The following EFCAB6 variants were observed in gnomAD, a reference collection of about 807,000 sequenced individuals.
EFCAB6 encodes the protein EF-hand calcium-binding domain-containing protein 6.
EFCAB6 carries 156 observed loss-of-function variants against 169.8 expected under a neutral mutation model. That is an observed-to-expected ratio of 0.92 (90% CI 0.81 to 1.05). The LOEUF is 1.05. Among genes scored for constraint, EFCAB6 ranks in the 50% least tolerant of loss-of-function variants. The pLI is 0.00. For missense variants in EFCAB6, 1,800 were observed against 1,829.1 expected (o/e 0.98, Z 0.29); for synonymous variants, 698 against 676.4 (o/e 1.03, Z -0.50).
At chr22:43,734,944 T>TAG (rs1340895243) in intron 7 of EFCAB6, among the ~76,000 whole-genome samples, 4 of 152,110 alleles carry the variant, frequency 2.6e-5, no homozygotes, top group Non-Finnish European at 4.4e-5. Flanking sequence ...CATAGCAACT[T>TAG]AGAACACCAG....
chr22:43,754,281 G>A (rs2060876842), intron 6 of EFCAB6, among the ~76,000 whole-genome samples: 1 of 152,176 alleles, frequency 6.6e-6, no homozygotes, highest in African/African-American at 2.4e-5. Flanking sequence ...CCACTGACAG[G>A]TGAAAAAACC....
intron 21 of EFCAB6, among the ~76,000 whole-genome samples, chr22:43,612,497 G>A (rs535267181): frequency 6.6e-6 from 1 of 152,222 alleles, no homozygotes; most frequent in African/African-American, 2.4e-5. Context: ...AGAAATACAT[G>A]TGGCCAACAA....
chr22:43,603,212 C>T (rs748712465), intron 22 of EFCAB6, among the ~76,000 whole-genome samples: 1 of 152,196 alleles, frequency 6.6e-6, no homozygotes, highest in African/African-American at 2.4e-5. Flanking sequence ...CGTAAACATT[C>T]TATTCTCATC....
intron 8 of EFCAB6, among the ~76,000 whole-genome samples, chr22:43,724,339 T>C (rs1313357707): frequency 6.6e-6 from 1 of 151,800 alleles, no homozygotes; most frequent in Non-Finnish European, 1.5e-5. Context: ...GAATGGTCTT[T>C]ACTGTTTACT....
In EFCAB6 at chr22:43,582,341, T is replaced by C. The variant is rs62226980; in HGVS notation, c.3033-1682A>G. Among the ~76,000 whole-genome samples the C allele has an allele frequency of 8.3e-4, 123 of 148,366 alleles. 1 individual carries two copies. The highest frequency in any genetic ancestry group is 2.6e-3 in the African/African-American group (105 of 40,566). On this transcript the variant is annotated intron_variant, in intron 24 of 31. Transcript: ENST00000262726. ...AAATGGTCCTTCCTTTCTATACACA[T>C]ACACACACACACACACACACACACA... is the stretch of plus-strand genomic sequence containing the variant.
At chr22:43,671,345 G>A (rs2057484349) in intron 15 of EFCAB6, among the ~76,000 whole-genome samples, 1 of 152,122 alleles carries the variant, frequency 6.6e-6, no homozygotes, top group Non-Finnish European at 1.5e-5. Context: ...GGGATTACAA[G>A]CAGGTGCCAC....
At chr22:43,542,303 G>A (rs1366332445) in intron 27 of EFCAB6, among the ~76,000 whole-genome samples, 2 of 152,348 alleles carry the variant, frequency 1.3e-5, no homozygotes, top group East Asian at 1.9e-4. Flanking sequence ...GTGCAGGCTG[G>A]GTGCAGTGGC....
intron 29 of EFCAB6, 26 bp from the exon 30 acceptor site, chr22:43,534,898 T>C (rs773607058): frequency 6.3e-7 from 1 of 1,582,826 alleles, no homozygotes; most frequent in Admixed American, 1.8e-5. Flanking sequence ...GCAGTTCAAT[T>C]GGTGGCGATT....
chr22:43,534,921 C>A, intron 29 of EFCAB6, 49 bp from the exon 30 acceptor site: 1 of 1,551,786 alleles, frequency 6.4e-7, no homozygotes, highest in South Asian at 1.2e-5. Flanking sequence ...TTCATTCATT[C>A]ATTCTTCACT....
chr22:43,753,185 C>T (rs2060832854), intron 6 of EFCAB6, among the ~76,000 whole-genome samples: 2 of 152,276 alleles, frequency 1.3e-5, no homozygotes, highest in South Asian at 4.1e-4. Flanking sequence ...CCCTCTGGCT[C>T]CTAGGACATT....
Position 43,668,928 on chromosome 22 carries a change from C to T in EFCAB6, c.1758G>A (p.Gln586=). The T allele has an allele frequency of 6.2e-7, 1 of 1,612,514 alleles. No individual in the cohort carries two copies. The highest frequency in any genetic ancestry group is 8.5e-7 in the Non-Finnish European group (1 of 1,179,312). Reference sequence around the variant, plus strand: ...CTTTTTGTAAATGTTCACTTAACAGCTGATCCTTTGGAACAAGAACTGGAG... The same window carrying T: ...CTTTTTGTAAATGTTCACTTAACAGTTGATCCTTTGGAACAAGAACTGGAG... ...TVSPVLVPKD[Q]LLSEHLQKDE... Residue 586 remains glutamine, a synonymous_variant, in exon 16 of 32, where the codon CAG becomes CAA. Coordinates refer to ENST00000262726, the MANE Select transcript of EFCAB6 (RefSeq NM_022785.4).
chr22:43,728,220 T>C (rs2059808104), intron 8 of EFCAB6, among the ~76,000 whole-genome samples: 1 of 152,180 alleles, frequency 6.6e-6, no homozygotes, highest in Non-Finnish European at 1.5e-5. Flanking sequence ...ACTTCATCCA[T>C]GTACCAGCAA....
intron 27 of EFCAB6, among the ~76,000 whole-genome samples, chr22:43,547,333 CTTTGT>C (rs1482286031): frequency 6.6e-6 from 1 of 152,058 alleles, no homozygotes; most frequent in Non-Finnish European, 1.5e-5. Context: ...GAACTTTTGA[CTTTGT>C]TTTGTTACAT....
rs1391393751 is a variant in EFCAB6 at position 43,632,296 on chromosome 22, T to TTTC, written c.2099-59_2099-58insGAA. On this transcript the variant is annotated intron_variant, in intron 18 of 31. Coordinates refer to ENST00000262726, the MANE Select transcript of EFCAB6 (RefSeq NM_022785.4). The stretch of plus-strand genomic sequence containing the variant: ...AGTGCCCATCAGCTTCATTCCTTCT[T>TTTC]TTTTTTTTTTTTTTTTTTTTGAGAC... 3,209 of 577,774 alleles carry TTTC rather than the reference T, an allele frequency of 5.6e-3. 1 individual carries two copies. Among genetic ancestry groups the TTTC allele is most frequent in the Middle Eastern group, 0.039 (63 of 1,604 alleles). The allele number at this position is 577,774 out of a possible 1,614,324, so 35.8% of individuals were successfully genotyped here.
chr22:43,779,878 C>T (rs768936208), intron 3 of EFCAB6, among the ~76,000 whole-genome samples: 2 of 152,064 alleles, frequency 1.3e-5, no homozygotes, highest in Non-Finnish European at 2.9e-5. Context: ...ATTTTCAATA[C>T]AAAGAGAGCT....
chr22:43,643,322 C>T (rs968233612), intron 17 of EFCAB6, among the ~76,000 whole-genome samples: 4 of 152,220 alleles, frequency 2.6e-5, no homozygotes, highest in Non-Finnish European at 5.9e-5. Flanking sequence ...GATTTGAACA[C>T]GAGTTGGTCG....
At chr22:43,583,793 A>G (rs948786363) in intron 24 of EFCAB6, among the ~76,000 whole-genome samples, 19 of 152,296 alleles carry the variant, frequency 1.2e-4, no homozygotes, top group African/African-American at 4.1e-4. Flanking sequence ...TGGTACCTCA[A>G]TTCTGAACTT....
intron 20 of EFCAB6, among the ~76,000 whole-genome samples, chr22:43,617,318 T>C (rs1032491254): frequency 1.3e-5 from 2 of 152,170 alleles, no homozygotes; most frequent in Non-Finnish European, 2.9e-5. Flanking sequence ...CACCTGAACC[T>C]CCCCAAAGTG....
At chr22:43,601,022 GA>G (rs2052480798) in intron 22 of EFCAB6, among the ~76,000 whole-genome samples, 1 of 152,112 alleles carries the variant, frequency 6.6e-6, no homozygotes. Context: ...CTAAGGTTTA[GA>G]AAAAAATTCT....
Sources: allele counts gnomAD v4.1 joint callset (sites outside exome capture counted in the v4.1 genomes callset), GRCh38; gene constraint gnomAD v4.1.1; transcripts MANE v1.5; gene names NCBI Gene and HGNC (gene_info 2026-07-23, HGNC 2026-07-21).